SIPA1L3: variants seen among roughly 807,000 people sequenced by gnomAD.
The protein encoded by SIPA1L3 is signal induced proliferation associated 1 like 3, also known as signal-induced proliferation-associated 1-like protein 3.
SIPA1L3 carries 59 observed loss-of-function variants against 150.1 expected under a neutral mutation model. That is an observed-to-expected ratio of 0.39 (90% CI 0.32 to 0.49). The LOEUF is 0.49. SIPA1L3 is among the 20% of genes least tolerant of loss of function. The pLI, the probability that SIPA1L3 is intolerant of heterozygous loss-of-function variation, is 0.86. For synonymous variants in SIPA1L3, 1,070 were observed against 1,077.6 expected, an observed-to-expected ratio of 0.99 and a Z score of 0.14; for missense variants, 2,211 against 2,489.5, an observed-to-expected ratio of 0.89 and a Z score of 2.38.
chr19:38,103,279 C>T (rs898400732), intron 6 of SIPA1L3, among the ~76,000 whole-genome samples: 3 of 152,042 alleles, frequency 2.0e-5, no homozygotes, highest in South Asian at 2.1e-4. Flanking sequence ...TCACATAGGA[C>T]GTATTTGTTG....
Position 38,192,192 on chromosome 19 carries a change from G to A in SIPA1L3, c.4478G>A (p.Arg1493Lys). ...TKNVFGQPRL[R>K]ASLRDLRSPR... ...AATGTCTTTGGGCAACCGAGGTTGAGGGCATCCCTCCGAGACCTCCGGTCA... is the reference window on the plus strand; with the variant it reads ...AATGTCTTTGGGCAACCGAGGTTGAAGGCATCCCTCCGAGACCTCCGGTCA... Residue 1493 changes from arginine (R) to lysine (K), a missense_variant, in exon 17 of 22, where the codon AGG (arginine) becomes AAG (lysine). Physicochemically the swap from Arg to Lys is conservative, Grantham distance 26 (BLOSUM62 2). Transcript: ENST00000222345. 6.2e-7 allele frequency: 1 copy of A among 1,613,030 alleles called. No homozygotes were observed. The highest frequency in any genetic ancestry group is 8.5e-7 in the Non-Finnish European group (1 of 1,179,596).
At chr19:38,117,607 A>G (rs1970916135) in intron 8 of SIPA1L3, among the ~76,000 whole-genome samples, 1 of 149,098 alleles carries the variant, frequency 6.7e-6, no homozygotes, top group Admixed American at 6.7e-5. Context: ...CTACAGAGTG[A>G]TACTCCATCT....
intron 13 of SIPA1L3, among the ~76,000 whole-genome samples, chr19:38,158,353 A>G (rs377130663): frequency 5.9e-5 from 9 of 152,296 alleles, no homozygotes; most frequent in African/African-American, 2.2e-4. Flanking sequence ...GTCAGTGGGG[A>G]TGAGAACATT....
intron 1 of SIPA1L3, among the ~76,000 whole-genome samples, chr19:37,944,806 C>T (rs1340509546): frequency 6.6e-6 from 1 of 151,992 alleles, no homozygotes; most frequent in Non-Finnish European, 1.5e-5. Flanking sequence ...CTAAATTAGC[C>T]GGGCGTGGTG....
intron 10 of SIPA1L3, among the ~76,000 whole-genome samples, chr19:38,138,673 G>A (rs904000621): frequency 1.3e-5 from 2 of 152,152 alleles, no homozygotes; most frequent in South Asian, 2.1e-4. Flanking sequence ...CAAGGTGGGC[G>A]GATCACCTGA....
intron 10 of SIPA1L3, 101 bp downstream of exon 10, chr19:38,130,873 G>T (rs530417973): frequency 1.5e-6 from 2 of 1,318,298 alleles, no homozygotes; most frequent in Non-Finnish European, 2.1e-6. Flanking sequence ...ATAGAGGGGG[G>T]ATAGGCAGGC....
chr19:38,008,330 C>T (rs1451362593), intron 1 of SIPA1L3, among the ~76,000 whole-genome samples: 8 of 141,262 alleles, frequency 5.7e-5, no homozygotes, highest in African/African-American at 7.8e-5. Context: ...CGGGTTCAAG[C>T]AATTCTCCTG....
At chr19:37,917,900 G>A (rs2046426360) in intron 1 of SIPA1L3, among the ~76,000 whole-genome samples, 1 of 152,076 alleles carries the variant, frequency 6.6e-6, no homozygotes, top group African/African-American at 2.4e-5. Flanking sequence ...AGCTACATGG[G>A]TGGCTGAGGT....
At chr19:38,204,632 G>A (rs959104813) in intron 21 of SIPA1L3, among the ~76,000 whole-genome samples, 3 of 152,120 alleles carry the variant, frequency 2.0e-5, no homozygotes, top group African/African-American at 7.2e-5. Context: ...GGGTGTGGTG[G>A]CGGGTGCCTG....
At chr19:38,186,964 G>A (rs1245323565) in intron 16 of SIPA1L3, among the ~76,000 whole-genome samples, 2 of 143,666 alleles carry the variant, frequency 1.4e-5, no homozygotes, top group Non-Finnish European at 1.5e-5. Context: ...CCAAGATCGT[G>A]CCATTACACT....
Position 38,082,454 on chromosome 19 carries a change from G to A in SIPA1L3, c.889G>A (p.Val297Met). 1 of 1,590,658 alleles carries A rather than the reference G, an allele frequency of 6.3e-7. No homozygotes were observed. The highest frequency in any genetic ancestry group is 8.5e-7 in the Non-Finnish European group (1 of 1,169,688). The change falls in exon 3 of 22, where the codon GTG (valine) becomes ATG (methionine). Residue 297 changes from valine (V) to methionine (M), a missense_variant. Around this residue, in one of 5 missense-constraint regions of SIPA1L3, gnomAD observed 587 missense variants for 534.5 expected, o/e 1.10. Transcript: ENST00000222345. ...PARGLGGGDT[V>M]DSSIFRKLRS... ...GCGGGGCCTCGGCGGCGGGGACACG[G>A]TGGACTCGTCCATCTTTCGGAAGCT...
chr19:37,912,536 C>A (rs1330794091), intron 1 of SIPA1L3, among the ~76,000 whole-genome samples: 1 of 152,092 alleles, frequency 6.6e-6, no homozygotes, highest in Non-Finnish European at 1.5e-5. Context: ...CACTCTGTTG[C>A]CCACGCTGGA....
At chr19:38,069,569 C>G (rs567086251) in intron 2 of SIPA1L3, among the ~76,000 whole-genome samples, 1 of 152,138 alleles carries the variant, frequency 6.6e-6, no homozygotes, top group Non-Finnish European at 1.5e-5. Context: ...AATCAGCTGC[C>G]GAGCTTTTAA....
rs547043413 is a variant in SIPA1L3 at position 37,928,017 on chromosome 19, T to A, written c.-379+20659T>A. 8.5e-5 allele frequency among the ~76,000 whole-genome samples: 13 copies of A among 152,286 alleles called. No homozygotes were observed. The South Asian group carries it at 2.7e-3, about 32-fold the overall frequency. On this transcript the variant is annotated intron_variant, in intron 1 of 21. Coordinates refer to ENST00000222345, the MANE Select transcript of SIPA1L3 (RefSeq NM_015073.3). ...CATGCTATCGTGAAGAGTGCTGCGA[T>A]GAACGTAGGAGTGCAGGTGTCGTTT...
chr19:38,006,272 G>A (rs989055402), intron 1 of SIPA1L3, among the ~76,000 whole-genome samples: 4 of 152,124 alleles, frequency 2.6e-5, no homozygotes, highest in Admixed American at 1.3e-4. Context: ...TGAAAGGCCC[G>A]AACCTAGAAG....
rs1206363491 is a variant in SIPA1L3, at chr19:38,179,905, C to T, written c.4209-2614C>T. 2.6e-5 allele frequency among the ~76,000 whole-genome samples: 4 copies of T among 152,088 alleles called. 1 individual carries two copies. Among genetic ancestry groups the T allele is most frequent in the East Asian group, 3.9e-4 (2 of 5,176 alleles). On this transcript the variant is annotated intron_variant, in intron 15 of 21. Transcript: ENST00000222345. ...TCACCCAGGCTAGAGTGCAGTGGCG[C>T]AATCTCAGCTCACTGCAACCTCTGC...
intron 15 of SIPA1L3, 61 bp from the exon 16 acceptor site, chr19:38,182,458 C>G: frequency 7.8e-7 from 1 of 1,274,276 alleles, no homozygotes; most frequent in Admixed American, 2.0e-5. Flanking sequence ...TTCAATAGCT[C>G]TGTCTTGCCA....
At chr19:37,968,254 T>G (rs1725485) in intron 1 of SIPA1L3, among the ~76,000 whole-genome samples, 44,281 of 151,744 alleles carry the variant, frequency 0.29, 7,994 homozygotes, top group East Asian at 0.68. Context: ...TGTATTTTTG[T>G]TAGAGACGGG....
rs34187992 is a variant in SIPA1L3, at chr19:38,187,715, CAAAAAAAAAAAA to C, written c.4431-4419_4431-4408del. On this transcript the variant is annotated intron_variant, in intron 16 of 21. Transcript: ENST00000222345. ...CCTGGGCGACAGCGAGACTCCGTCT[CAAAAAAAAAAAA>C]AAAAAAAAAAGACAAAAGGAAAAAA... 1.7e-4 allele frequency among the ~76,000 whole-genome samples: 10 copies of C among 59,534 alleles called. No individual in the cohort carries two copies. The Admixed American group carries it at 1.8e-3, about 11-fold the overall frequency. The allele number at this position is 59,534 out of a possible 152,430, so 39.1% of individuals were successfully genotyped here.
Sources: allele counts gnomAD v4.1 joint callset (sites outside exome capture counted in the v4.1 genomes callset), GRCh38; gene constraint gnomAD v4.1.1; regional missense constraint gnomAD v4.1.1; transcripts MANE v1.5; gene names NCBI Gene and HGNC (gene_info 2026-07-23, HGNC 2026-07-21).